The following WAPL variants were observed in gnomAD, a reference collection of about 807,000 sequenced individuals.
The protein encoded by WAPL is wings apart-like protein homolog.
Under a neutral mutation model 121.0 loss-of-function variants are expected in WAPL, and 5 were observed. The ratio of observed to expected loss-of-function variants is 0.04; its 90% CI spans 0.02 to 0.09. WAPL has a LOEUF of 0.09. WAPL is among the 10% of genes least tolerant of loss of function. The pLI, the probability that WAPL is intolerant of heterozygous loss-of-function variation, is 1.00. For synonymous variants in WAPL, 480 were observed against 481.5 expected (o/e 1.00, Z 0.04); for missense variants, 999 against 1,410.8 (o/e 0.71, Z 4.68).
At chr10:86,441,748 T>C (rs900694336) in intron 17 of WAPL, among the ~76,000 whole-genome samples, 8 of 152,096 alleles carry the variant, frequency 5.3e-5, no homozygotes, top group Admixed American at 2.6e-4. Context: ...ACACCTATAA[T>C]GCCAGCACTT....
In WAPL at chr10:86,461,237, T is replaced by A; in HGVS notation, c.2421A>T (p.Ala807=). ...GGAGTTCTTCTTTAAACCAGTCTCCTGCTCGTTTAGAAGTAAGGGATAATA... is the reference window on the plus strand; with the variant it reads ...GGAGTTCTTCTTTAAACCAGTCTCCAGCTCGTTTAGAAGTAAGGGATAATA... ...ETLLSLTSKR[A]GDWFKEELRL... Residue 807 remains alanine, a synonymous_variant, in exon 10 of 19, where the codon GCA becomes GCT. Coordinates refer to ENST00000298767, the MANE Select transcript of WAPL (RefSeq NM_015045.5). The A allele has an allele frequency of 6.2e-7, 1 of 1,613,860 alleles. No individual in the cohort carries two copies. Among genetic ancestry groups the A allele is most frequent in the Non-Finnish European group, 8.5e-7 (1 of 1,179,908 alleles).
At chr10:86,492,884 C>T (rs984454835) in intron 4 of WAPL, among the ~76,000 whole-genome samples, 1 of 151,962 alleles carries the variant, frequency 6.6e-6, no homozygotes, top group Non-Finnish European at 1.5e-5. Context: ...TGTGAAACCC[C>T]GTCTCTACCA....
chr10:86,457,327 T>TTA (rs371813595), intron 12 of WAPL, among the ~76,000 whole-genome samples: 4 of 111,198 alleles, frequency 3.6e-5, no homozygotes, highest in East Asian at 2.4e-4. Context: ...CTGTATCTAT[T>TTA]AAAAAAAAAA....
chr10:86,446,289 T>C lies in WAPL; in HGVS notation c.3275A>G (p.Glu1092Gly), dbSNP rs944021998. ...VSTEKTDGTE[E>G]KHKKEEEDEE... ...ATCCTCCTCCTCCTTCTTATGTTTC[T>C]CTTCTGTACCATCAGTCTTTTCAGT... The change falls in exon 16 of 19, where the codon GAG becomes GGG. Residue 1092 changes from glutamate to glycine, a missense_variant. This residue lies in a region of WAPL where 126 missense variants were observed against 144.0 expected (regional missense o/e 0.87). Coordinates refer to ENST00000298767, the MANE Select transcript of WAPL (RefSeq NM_015045.5). The C allele has an allele frequency of 4.3e-6, 7 of 1,614,218 alleles. No individual in the cohort carries two copies. The highest frequency in any genetic ancestry group is 5.9e-6 in the Non-Finnish European group (7 of 1,180,032).
In WAPL at chr10:86,483,534, T is replaced by C. The variant is rs149069884; in HGVS notation, c.1645-9561A>G. ...TTATGTATTTACTATATTTTAACCATTTTAGAATATACTCCTTCTACTTGT... is the reference window on the plus strand; with the variant it reads ...TTATGTATTTACTATATTTTAACCACTTTAGAATATACTCCTTCTACTTGT... On this transcript the variant is annotated intron_variant, in intron 4 of 18. Coordinates refer to ENST00000298767, the MANE Select transcript of WAPL (RefSeq NM_015045.5). Among the ~76,000 whole-genome samples, 195 of 152,190 alleles carry C rather than the reference T, an allele frequency of 1.3e-3. 1 individual carries two copies. The highest frequency in any genetic ancestry group is 4.2e-3 in the African/African-American group (173 of 41,542).
At chr10:86,465,321 TCA>T (rs1491501364) in intron 9 of WAPL, among the ~76,000 whole-genome samples, 1 of 152,150 alleles carries the variant, frequency 6.6e-6, no homozygotes, top group Non-Finnish European at 1.5e-5. Context: ...TTCTCATGTC[TCA>T]GACTCCCAAG....
At chr10:86,520,875 A>G (rs939623926) in intron 1 of WAPL, among the ~76,000 whole-genome samples, 7 of 152,146 alleles carry the variant, frequency 4.6e-5, no homozygotes, top group Non-Finnish European at 1.0e-4. Flanking sequence ...TTAAAGATGG[A>G]AAGCGGACGG....
At chr10:86,496,915 CAG>C (rs1277523857) in intron 4 of WAPL, among the ~76,000 whole-genome samples, 5 of 151,970 alleles carry the variant, frequency 3.3e-5, no homozygotes, top group African/African-American at 9.7e-5. Flanking sequence ...TTAATGGGTA[CAG>C]AGTTTTTGTT....
At chr10:86,439,045 T>C (rs139685740) in intron 17 of WAPL, among the ~76,000 whole-genome samples, 1 of 152,142 alleles carries the variant, frequency 6.6e-6, no homozygotes, top group Non-Finnish European at 1.5e-5. Flanking sequence ...GGACACAAGG[T>C]AAAGGGTTAA....
At chr10:86,497,646 T>C (rs1017864808) in intron 3 of WAPL, among the ~76,000 whole-genome samples, 5 of 152,218 alleles carry the variant, frequency 3.3e-5, no homozygotes, top group African/African-American at 1.2e-4. Flanking sequence ...TGGATATCCA[T>C]GGATACTGAC....
Position 86,472,150 on chromosome 10 carries a change from GT to G in WAPL, c.2030+57del. 6.8e-7 allele frequency: 1 copy of G among 1,474,234 alleles called. No individual in the cohort carries two copies. The highest frequency in any genetic ancestry group is 9.0e-7 in the Non-Finnish European group (1 of 1,115,450). The allele number at this position is 1,474,234 out of a possible 1,614,324, so 91.3% of individuals were successfully genotyped here. ...TGTTTGGCTTTTTGGACAACACCTAGTTGAAAAAATTTAATACAGCATGCAC... is the reference window on the plus strand; with the variant it reads ...TGTTTGGCTTTTTGGACAACACCTAGTGAAAAAATTTAATACAGCATGCAC... On this transcript the variant is annotated intron_variant, in intron 7 of 18. Coordinates refer to ENST00000298767, the MANE Select transcript of WAPL (RefSeq NM_015045.5). This position sits in a 1 kb window ranked among gnomAD's most constrained non-coding sequence, Gnocchi z 4.2.
chr10:86,496,969 T>C (rs895767442), intron 4 of WAPL, among the ~76,000 whole-genome samples: 3 of 152,162 alleles, frequency 2.0e-5, no homozygotes, highest in Non-Finnish European at 4.4e-5. Context: ...ATTGTGATGG[T>C]TACATAACAC....
Position 86,450,038 on chromosome 10 carries a change from G to A in WAPL, c.3114+1929C>T, listed in dbSNP as rs114627051. 9.6e-3 allele frequency among the ~76,000 whole-genome samples: 1,462 copies of A among 152,316 alleles called. 31 individuals are homozygous for A. Among genetic ancestry groups the A allele is most frequent in the African/African-American group, 0.033 (1,359 of 41,572 alleles). On this transcript the variant is annotated intron_variant, in intron 15 of 18. Coordinates refer to ENST00000298767, the MANE Select transcript of WAPL (RefSeq NM_015045.5). The stretch of plus-strand genomic sequence containing the variant: ...GAAACTGAATAAGGTCTAAAGTGCA[G>A]TTAACAGTAATGTACTAATGTCAAT...
At chr10:86,440,009 G>A (rs1053473167) in intron 17 of WAPL, among the ~76,000 whole-genome samples, 2 of 152,196 alleles carry the variant, frequency 1.3e-5, no homozygotes, top group Non-Finnish European at 2.9e-5. Flanking sequence ...GCTTTTTGGT[G>A]TTAATCATAA....
intron 4 of WAPL, among the ~76,000 whole-genome samples, chr10:86,483,804 T>C (rs1279066840): frequency 3.6e-5 from 5 of 137,224 alleles, no homozygotes; most frequent in East Asian, 4.1e-4. Flanking sequence ...CTTTTTTTTT[T>C]TTTTTTTTTT....
chr10:86,463,000 G>A (rs1053887190), intron 9 of WAPL, among the ~76,000 whole-genome samples: 4 of 152,154 alleles, frequency 2.6e-5, no homozygotes, highest in Admixed American at 2.6e-4. Flanking sequence ...GGCATAAAAA[G>A]GATTCTTTGA....
chr10:86,455,683 T>TAAAAAAAAA (rs539594893), intron 12 of WAPL, among the ~76,000 whole-genome samples: 2 of 29,086 alleles, frequency 6.9e-5, no homozygotes, highest in African/African-American at 1.4e-4. Flanking sequence ...CAATAAATAC[T>TAAAAAAAAA]AAAAAAAAAA....
Position 86,517,710 on chromosome 10 carries a change from A to G in WAPL, c.360T>C (p.Ser120=). Residue 120 remains serine (S), a synonymous_variant, in exon 2 of 19, where the codon AGT becomes AGC. Transcript: ENST00000298767. ...TSVLEANSKI[S]HVVVEDTVVS... ...CGACAGTGTCTTCAACGACCACATG[A>G]CTAATTTTGCTATTAGCTTCAAGTA... The G allele has an allele frequency of 6.2e-7, 1 of 1,614,160 alleles. No homozygotes were observed. The highest frequency in any genetic ancestry group is 8.5e-7 in the Non-Finnish European group (1 of 1,180,016).
At chr10:86,474,872 T>G (rs1251289696) in intron 4 of WAPL, among the ~76,000 whole-genome samples, 4 of 152,224 alleles carry the variant, frequency 2.6e-5, no homozygotes, top group African/African-American at 9.6e-5. Context: ...ATGCGCTCAT[T>G]TAAAGCAAAC....
Sources: allele counts gnomAD v4.1 joint callset (sites outside exome capture counted in the v4.1 genomes callset), GRCh38; gene constraint gnomAD v4.1.1; regional missense constraint gnomAD v4.1.1; non-coding constraint Gnocchi (gnomAD v3.1); transcripts MANE v1.5; gene names NCBI Gene and HGNC (gene_info 2026-07-23, HGNC 2026-07-21).